SGCD: variants seen among roughly 807,000 people sequenced by gnomAD.
SGCD encodes sarcoglycan delta, also known as delta-sarcoglycan.
In SGCD, 18 loss-of-function variants were observed where a neutral mutation model predicts 36.6. The ratio of observed to expected loss-of-function variants is 0.49; its 90% CI spans 0.34 to 0.73. SGCD has a LOEUF of 0.73. Among genes scored for constraint, SGCD ranks in the 30% least tolerant of loss-of-function variants. The probability of loss-of-function intolerance (pLI) is 0.01; values close to 1 mark genes in which losing one functional copy is unlikely to be tolerated. For missense variants in SGCD, 387 were observed against 346.7 expected (o/e 1.12, Z -0.92); for synonymous variants, 133 against 130.6 (o/e 1.02, Z -0.12).
chr5:156,750,700 A>C (rs888351082), intron 7 of SGCD, among the ~76,000 whole-genome samples: 1 of 152,118 alleles, frequency 6.6e-6, no homozygotes, highest in Non-Finnish European at 1.5e-5. Flanking sequence ...CATAATTTAT[A>C]GTTGCAATGA....
intron 5 of SGCD, among the ~76,000 whole-genome samples, 173 bp downstream of exon 5, chr5:156,589,491 G>A (rs899900920): frequency 3.3e-5 from 5 of 152,052 alleles, no homozygotes; most frequent in African/African-American, 9.7e-5. Context: ...AATCCCATCC[G>A]TACACATATT....
At chr5:156,333,581 T>G (rs577490118) in intron 2 of SGCD, among the ~76,000 whole-genome samples, 1 of 152,198 alleles carries the variant, frequency 6.6e-6, no homozygotes, top group Admixed American at 6.5e-5. Flanking sequence ...ATGCTTGCTA[T>G]GCCTTTAACA....
chr5:156,377,488 T>G (rs746206488), intron 3 of SGCD, among the ~76,000 whole-genome samples: 3 of 152,222 alleles, frequency 2.0e-5, no homozygotes, highest in Non-Finnish European at 4.4e-5. Flanking sequence ...AATATATGCC[T>G]TTATTCTCTA....
chr5:156,391,708 G>T (rs190941126), intron 3 of SGCD, among the ~76,000 whole-genome samples: 12 of 152,316 alleles, frequency 7.9e-5, no homozygotes, highest in Admixed American at 1.3e-4. Context: ...TTTGGTATCT[G>T]CAGGGGGTCC....
intron 1 of SGCD, among the ~76,000 whole-genome samples, chr5:155,921,493 G>A (rs955640902): frequency 6.6e-6 from 1 of 152,004 alleles, no homozygotes. Flanking sequence ...AGTGCTGATG[G>A]GGGGTAGCAG....
At chr5:155,966,775 T>C (rs2127558343) in intron 1 of SGCD, among the ~76,000 whole-genome samples, 2 of 152,234 alleles carry the variant, frequency 1.3e-5, no homozygotes, top group African/African-American at 4.8e-5. Context: ...AGTTGCCTAA[T>C]GTTAATATTA....
chr5:156,498,554 A>G, intron 3 of SGCD, among the ~76,000 whole-genome samples: 1 of 152,260 alleles, frequency 6.6e-6, no homozygotes, highest in East Asian at 1.9e-4. Context: ...GCTTTCAGTT[A>G]TCATAATTTT....
intron 7 of SGCD, among the ~76,000 whole-genome samples, chr5:156,726,561 AG>A (rs770703250): frequency 2.4e-4 from 37 of 152,246 alleles, no homozygotes; most frequent in Admixed American, 4.6e-4. Flanking sequence ...TCAGCCAACA[AG>A]GTTCTAATGG....
At chr5:156,016,392 T>A (rs1424190955) in intron 1 of SGCD, among the ~76,000 whole-genome samples, 1 of 152,180 alleles carries the variant, frequency 6.6e-6, no homozygotes, top group Non-Finnish European at 1.5e-5. Context: ...TCTTGCTGAT[T>A]TAATTTAAAT....
At chr5:156,229,300 A>ATATATATATATAT (rs1477607808) in intron 3 of SGCD, among the ~76,000 whole-genome samples, 46 of 126,000 alleles carry the variant, frequency 3.7e-4, no homozygotes, top group Non-Finnish European at 5.0e-4. Context: ...ATATATATAT[A>ATATATATATATAT]AAATTAGTTC....
intron 3 of SGCD, among the ~76,000 whole-genome samples, chr5:156,195,445 G>A (rs1764000057): frequency 1.3e-5 from 2 of 152,208 alleles, no homozygotes; most frequent in South Asian, 4.2e-4. Flanking sequence ...CTCTTACTCA[G>A]AAGTCAACTT....
At chr5:156,102,796 A>G (rs776921791) in intron 1 of SGCD, among the ~76,000 whole-genome samples, 7 of 152,204 alleles carry the variant, frequency 4.6e-5, no homozygotes, top group African/African-American at 1.7e-4. Flanking sequence ...TTGAAATTCA[A>G]TGAAAACCTA....
At chr5:156,534,978 C>T (rs535690701) in intron 4 of SGCD, among the ~76,000 whole-genome samples, 3 of 152,298 alleles carry the variant, frequency 2.0e-5, no homozygotes, top group Admixed American at 2.0e-4. Context: ...TTATATTCAT[C>T]TCCATTTATT....
chr5:156,698,451 C>T (rs1754401581), intron 7 of SGCD, among the ~76,000 whole-genome samples: 1 of 152,190 alleles, frequency 6.6e-6, no homozygotes, highest in Non-Finnish European at 1.5e-5. Context: ...ATATTCCAAC[C>T]CTTTAGCAAA....
chr5:155,981,952 C>G (rs965782385), intron 1 of SGCD, among the ~76,000 whole-genome samples: 5 of 152,172 alleles, frequency 3.3e-5, no homozygotes, highest in African/African-American at 7.2e-5. Flanking sequence ...TACAACAGGA[C>G]ATGGATTATT....
intron 3 of SGCD, chr5:156,458,501 C>T: frequency 1.1e-5 from 18 of 1,595,194 alleles, no homozygotes; most frequent in African/African-American, 1.3e-5. Context: ...ACAAGGGCTT[C>T]GTTAACCTAC....
At chr5:156,739,413 G>A (rs1301277649) in intron 7 of SGCD, among the ~76,000 whole-genome samples, 1 of 152,140 alleles carries the variant, frequency 6.6e-6, no homozygotes, top group Non-Finnish European at 1.5e-5. Context: ...TAGAAGAAGA[G>A]ATAAATTAAA....
chr5:156,258,715 A>G (rs1412513131), intron 3 of SGCD, among the ~76,000 whole-genome samples: 2 of 152,160 alleles, frequency 1.3e-5, no homozygotes, highest in Non-Finnish European at 2.9e-5. Flanking sequence ...AAAATGCAAA[A>G]TGTTTTCACT....
At chr5:156,172,657 A>C (rs887674389) in intron 3 of SGCD, among the ~76,000 whole-genome samples, 2 of 152,168 alleles carry the variant, frequency 1.3e-5, no homozygotes, top group African/African-American at 4.8e-5. Context: ...TAACCTTTGG[A>C]TGTGAAGGGA....
Sources: allele counts gnomAD v4.1 joint callset (sites outside exome capture counted in the v4.1 genomes callset), GRCh38; gene constraint gnomAD v4.1.1; transcripts MANE v1.5; gene names NCBI Gene and HGNC (gene_info 2026-07-23, HGNC 2026-07-21).